SLC6A7: variants seen among roughly 807,000 people sequenced by gnomAD.
SLC6A7 encodes sodium-dependent proline transporter.
Under a neutral mutation model 73.1 loss-of-function variants are expected in SLC6A7, and 58 were observed. The ratio of observed to expected loss-of-function variants is 0.79; its 90% CI spans 0.64 to 0.99. SLC6A7 has a LOEUF of 0.99. Among genes scored for constraint, SLC6A7 ranks in the 50% least tolerant of loss-of-function variants. SLC6A7 has a pLI of 0.00. For missense variants in SLC6A7, 783 were observed against 831.4 expected (o/e 0.94, Z 0.72); for synonymous variants, 338 against 338.7 (o/e 1.00, Z 0.02).
rs1753586981 is a variant in SLC6A7, at chr5:150,204,674, G to A, written c.1432+43G>A. 3.4e-6 allele frequency: 5 copies of A among 1,471,250 alleles called. No homozygotes were observed. In the African/African-American group the frequency reaches 6.9e-5, roughly 20 times the overall value. 91.1% of individuals were successfully genotyped at this position (1,471,250 alleles called of 1,614,324 possible). On this transcript the variant is annotated intron_variant, in intron 11 of 13. Coordinates refer to ENST00000230671, the MANE Select transcript of SLC6A7 (RefSeq NM_014228.5). The stretch of plus-strand genomic sequence containing the variant: ...AAGTGGAGTCGAGCTCTCCGCAGTG[G>A]GAGAATGGGAGTCTACCCTGGGGAG...
chr5:150,207,228 T>C (rs1354248326), intron 13 of SLC6A7, among the ~76,000 whole-genome samples: 1 of 152,050 alleles, frequency 6.6e-6, no homozygotes, highest in Non-Finnish European at 1.5e-5. Context: ...ACAGTAAGCA[T>C]AGTATCCAAT....
At chr5:150,204,700 C>T in intron 11 of SLC6A7, 69 bp downstream of exon 11, 1 of 1,385,034 alleles carries the variant, frequency 7.2e-7, no homozygotes, top group Non-Finnish European at 1.0e-6. Flanking sequence ...CCCTGGGGAG[C>T]CCCAGTACCT....
At chr5:150,205,347 T>A (rs113802433) in intron 12 of SLC6A7, 109 bp from the exon 13 acceptor site, 3 of 863,328 alleles carry the variant, frequency 3.5e-6, no homozygotes, top group African/African-American at 1.7e-5. Context: ...CCTGGGTAGC[T>A]CTGGGCTGGA....
At chr5:150,204,699 G>T in intron 11 of SLC6A7, 68 bp downstream of exon 11, 6 of 1,392,354 alleles carry the variant, frequency 4.3e-6, no homozygotes, top group Admixed American at 3.4e-5. Flanking sequence ...ACCCTGGGGA[G>T]CCCCAGTACC....
chr5:150,199,574 T>C (rs144890109), intron 5 of SLC6A7, among the ~76,000 whole-genome samples: 2 of 152,312 alleles, frequency 1.3e-5, no homozygotes, highest in Non-Finnish European at 2.9e-5. Flanking sequence ...TTTACTAGAC[T>C]GGAAGCTCAC....
chr5:150,205,791 G>T (rs1562101150), intron 13 of SLC6A7, among the ~76,000 whole-genome samples, 168 bp downstream of exon 13: 2 of 152,186 alleles, frequency 1.3e-5, no homozygotes, highest in African/African-American at 2.4e-5. Flanking sequence ...CCTGCCCTGT[G>T]GCACTTTGTA....
intron 13 of SLC6A7, among the ~76,000 whole-genome samples, chr5:150,206,545 C>A (rs1366193276): frequency 6.6e-6 from 1 of 152,214 alleles, no homozygotes; most frequent in African/African-American, 2.4e-5. Context: ...CCACTTCCCC[C>A]GTGTAGCTCC....
Position 150,190,364 on chromosome 5 carries a change from G to A in SLC6A7, c.33+4G>A. 6.7e-7 allele frequency: 1 copy of A among 1,491,532 alleles called. No homozygotes were observed. The highest frequency in any genetic ancestry group is 1.5e-5 in the African/African-American group (1 of 68,294). 92.4% of individuals were successfully genotyped at this position (1,491,532 alleles called of 1,614,324 possible). ...CCAGGGAGCTCACCTCCGCAAGGTA[G>A]GGCACGAGGGCGGGGGCGCTGGGGG... On this transcript the variant is annotated splice_donor_region_variant and intron_variant, in intron 1 of 13. Transcript: ENST00000230671.
At chr5:150,196,629 C>T in intron 2 of SLC6A7, 87 bp from the exon 3 acceptor site, 1 of 1,353,222 alleles carries the variant, frequency 7.4e-7, no homozygotes, top group South Asian at 1.3e-5. Context: ...GAGGGGGCAT[C>T]TGCAGGCCAG....
intron 1 of SLC6A7, among the ~76,000 whole-genome samples, chr5:150,191,599 GTTTT>G (rs1562072817): frequency 9.2e-5 from 14 of 151,876 alleles, no homozygotes; most frequent in African/African-American, 3.1e-4. Context: ...CCTGGCTAAT[GTTTT>G]GTATTTTTAG....
At position 150,199,381 on chromosome 5, in the gene SLC6A7, G is replaced by A. The variant is rs777519613; in HGVS notation, c.723+15G>A. The A allele has an allele frequency of 8.7e-6, 14 of 1,601,916 alleles. No homozygotes were observed. In the African/African-American group the frequency reaches 1.7e-4, roughly 20 times the overall value. On this transcript the variant is annotated intron_variant, in intron 5 of 13. Coordinates refer to ENST00000230671, the MANE Select transcript of SLC6A7 (RefSeq NM_014228.5). ...CTTCGGGCAAGGTGAAGCCTGGGAG[G>A]CCCCGGAGGCCTGAGGGGCTGGATG... is the stretch of plus-strand genomic sequence containing the variant.
Position 150,197,122 on chromosome 5 carries a change from C to A in SLC6A7, c.430C>A (p.Leu144Ile). 6.2e-7 allele frequency: 1 copy of A among 1,614,136 alleles called. No individual in the cohort carries two copies. Among genetic ancestry groups the A allele is most frequent in the South Asian group, 1.1e-5 (1 of 91,090 alleles). The stretch of plus-strand genomic sequence containing the variant: ...GATCATCGCCTACGTGCTCTTCTAC[C>A]TCTTCGCCTCCCTCACCAGCGACCT... Reference protein sequence around the residue: ...NMIIAYVLFYLFASLTSDLPW... With the variant: ...NMIIAYVLFYIFASLTSDLPW... Residue 144 changes from leucine to isoleucine, a missense_variant, in exon 4 of 14, where the codon CTC becomes ATC. By Grantham distance (5) the Leu-to-Ile change is conservative. Transcript: ENST00000230671.
Position 150,206,226 on chromosome 5 carries a change from G to A in SLC6A7, c.1701+603G>A, listed in dbSNP as rs191447483. Among the ~76,000 whole-genome samples, 23 of 152,244 alleles carry A rather than the reference G, an allele frequency of 1.5e-4. No individual in the cohort carries two copies. In the East Asian group the frequency reaches 3.1e-3, roughly 20 times the overall value. On this transcript the variant is annotated intron_variant, in intron 13 of 13. Transcript: ENST00000230671. ...GAACACTGAGGCCAGCACTTCTGCC[G>A]CCGCTGGTGTGGAGTCCTCCGGTGG... is the stretch of plus-strand genomic sequence containing the variant.
intron 1 of SLC6A7, among the ~76,000 whole-genome samples, chr5:150,194,204 T>G (rs931844447): frequency 6.6e-6 from 1 of 151,776 alleles, no homozygotes; most frequent in South Asian, 2.1e-4. Flanking sequence ...CCGAGGCGGG[T>G]GGATCACGAG....
At chr5:150,201,303 C>G in intron 6 of SLC6A7, 80 bp downstream of exon 6, 6 of 1,006,004 alleles carry the variant, frequency 6.0e-6, no homozygotes, top group Non-Finnish European at 8.6e-6. Flanking sequence ...TGGGACACCG[C>G]AGTACCAGGC....
chr5:150,201,168 G>A lies in SLC6A7; in HGVS notation c.803G>A (p.Trp268Ter). Residue 268 changes from tryptophan (W) to a stop codon, truncating the protein, a stop_gained, in exon 6 of 14, where the codon TGG becomes TAG. Coordinates refer to ENST00000230671, the MANE Select transcript of SLC6A7 (RefSeq NM_014228.5). LOFTEE classifies it high-confidence loss of function. ...CGCGGAGTCACCCTCCCAGGGGCCTGGAAGGGCATCCAGTTCTATCTCACC... is the reference window on the plus strand; with the variant it reads ...CGCGGAGTCACCCTCCCAGGGGCCTAGAAGGGCATCCAGTTCTATCTCACC... ...LVRGVTLPGAWKGIQFYLTPQ... is the reference protein window; with the variant it reads ...LVRGVTLPGA The A allele has an allele frequency of 6.2e-7, 1 of 1,613,812 alleles. No individual in the cohort carries two copies. Among genetic ancestry groups the A allele is most frequent in the South Asian group, 1.1e-5 (1 of 91,060 alleles).
intron 2 of SLC6A7, among the ~76,000 whole-genome samples, chr5:150,196,293 G>A (rs1169708701): frequency 6.6e-6 from 1 of 152,190 alleles, no homozygotes; most frequent in Non-Finnish European, 1.5e-5. Flanking sequence ...AAAGGGGAAG[G>A]GCTATTGGGC....
intron 12 of SLC6A7, 70 bp from the exon 13 acceptor site, chr5:150,205,386 C>A (rs545753670): frequency 2.3e-6 from 3 of 1,318,312 alleles, no homozygotes; most frequent in East Asian, 2.4e-5. Context: ...TGGCACTAGG[C>A]TGGGCTACCT....
At chr5:150,196,958 A>G in intron 3 of SLC6A7, 84 bp from the exon 4 acceptor site, 2 of 1,530,734 alleles carry the variant, frequency 1.3e-6, no homozygotes, top group Non-Finnish European at 1.8e-6. Context: ...TGAAGCCCAG[A>G]TAGCTGCCAG....
Sources: allele counts gnomAD v4.1 joint callset (sites outside exome capture counted in the v4.1 genomes callset), GRCh38; gene constraint gnomAD v4.1.1; transcripts MANE v1.5; gene names NCBI Gene and HGNC (gene_info 2026-07-23, HGNC 2026-07-21).